MSI2: variants seen among roughly 807,000 people sequenced by gnomAD.
MSI2 encodes musashi RNA binding protein 2, also known as RNA-binding protein Musashi homolog 2.
Under a neutral mutation model 45.6 loss-of-function variants are expected in MSI2, and 17 were observed. That is an observed-to-expected ratio of 0.37 (90% CI 0.26 to 0.56). MSI2 has a LOEUF of 0.56. Ranked by LOEUF, MSI2 falls within the 20% of genes least tolerant of loss-of-function variation. The probability of loss-of-function intolerance (pLI) is 0.77; values close to 1 mark genes in which losing one functional copy is unlikely to be tolerated. For synonymous variants in MSI2, 156 were observed against 158.2 expected (o/e 0.99, Z 0.11); for missense variants, 293 against 444.2 (o/e 0.66, Z 3.06).
At chr17:57,544,629 C>A (rs1270493082) in intron 7 of MSI2, among the ~76,000 whole-genome samples, 1 of 152,148 alleles carries the variant, frequency 6.6e-6, no homozygotes, top group Non-Finnish European at 1.5e-5. Flanking sequence ...GCAACACATG[C>A]TTGCAGGTCA....
intron 6 of MSI2, among the ~76,000 whole-genome samples, chr17:57,498,957 C>T (rs1404084253): frequency 6.9e-6 from 1 of 145,064 alleles, no homozygotes; most frequent in Non-Finnish European, 1.5e-5. Context: ...GTGATGTCCC[C>T]CTTCCTGTGT....
chr17:57,552,282 T>A lies in MSI2; in HGVS notation c.454+22558T>A, dbSNP rs183506640. ...AATTGAAGTTCAGAGTGATGTTCACTGGTCTGTAATTCCTGACTCCCTTCC... is the reference window on the plus strand; with the variant it reads ...AATTGAAGTTCAGAGTGATGTTCACAGGTCTGTAATTCCTGACTCCCTTCC... On this transcript the variant is annotated intron_variant, in intron 7 of 13. Coordinates refer to ENST00000284073, the MANE Select transcript of MSI2 (RefSeq NM_138962.4). This position sits in a 1 kb window ranked among gnomAD's most constrained non-coding sequence, Gnocchi z 4.3. Among the ~76,000 whole-genome samples, 75 of 152,358 alleles carry A rather than the reference T, an allele frequency of 4.9e-4. No individual in the cohort carries two copies. The highest frequency in any genetic ancestry group is 1.8e-3 in the African/African-American group (75 of 41,578).
chr17:57,543,023 G>A (rs1309560707), intron 7 of MSI2, among the ~76,000 whole-genome samples: 2 of 152,162 alleles, frequency 1.3e-5, no homozygotes, highest in Non-Finnish European at 2.9e-5. Flanking sequence ...ACAAGAGGGT[G>A]GGCACTCACC....
the MSI2 span, among the ~76,000 whole-genome samples, chr17:57,690,023 A>T: frequency 9.8e-5 from 15 of 152,318 alleles, no homozygotes; most frequent in African/African-American, 3.6e-4. Flanking sequence ...ATTGGGTCAT[A>T]TGGCAAGCAT....
chr17:57,680,775 G>GGGGGGGGGGGGGGGGGGGGGGGGC lies in MSI2; in HGVS notation c.*1258_*1259insGGGGGGGGGGGGGGGGGGGGGGGC. 1 of 152,812 alleles carries GGGGGGGGGGGGGGGGGGGGGGGGC rather than the reference G, an allele frequency of 6.5e-6. No homozygotes were observed. The highest frequency in any genetic ancestry group is 1.4e-5 in the Non-Finnish European group (1 of 71,490). 9.5% of individuals were successfully genotyped at this position (152,812 alleles called of 1,614,324 possible). Reference sequence around the variant, plus strand: ...GCTTGGGTGGGGGTGGGGTGGGGGGGACATTCTTTTTCAGTCTTAATTTTT... The same window carrying GGGGGGGGGGGGGGGGGGGGGGGGC: ...GCTTGGGTGGGGGTGGGGTGGGGGGGGGGGGGGGGGGGGGGGGGGGGGGCACATTCTTTTTCAGTCTTAATTTTT... On this transcript the variant is annotated 3_prime_UTR_variant, in exon 14 of 14. Transcript: ENST00000284073.
intron 5 of MSI2, among the ~76,000 whole-genome samples, chr17:57,324,587 G>A (rs2143690736): frequency 6.6e-6 from 1 of 152,344 alleles, no homozygotes; most frequent in African/African-American, 2.4e-5. Context: ...CTCTTCTTCT[G>A]CCTGGCTCGG....
At chr17:57,547,885 T>G (rs2087207703) in intron 7 of MSI2, among the ~76,000 whole-genome samples, 1 of 152,120 alleles carries the variant, frequency 6.6e-6, no homozygotes, top group South Asian at 2.1e-4. Flanking sequence ...GATTTTATCA[T>G]CAGTGTGGTA....
At chr17:57,339,700 G>A (rs1914975264) in intron 5 of MSI2, among the ~76,000 whole-genome samples, 1 of 152,128 alleles carries the variant, frequency 6.6e-6, no homozygotes, top group African/African-American at 2.4e-5. Context: ...CGTTTGCAGT[G>A]GGTGAACTGT....
At chr17:57,482,957 G>A (rs564698001) in intron 6 of MSI2, among the ~76,000 whole-genome samples, 16 of 152,360 alleles carry the variant, frequency 1.1e-4, no homozygotes, top group African/African-American at 1.4e-4. Flanking sequence ...GTCCGGCTGT[G>A]TGTGCATGCT....
chr17:57,545,009 C>T (rs2087130706), intron 7 of MSI2, among the ~76,000 whole-genome samples: 1 of 152,172 alleles, frequency 6.6e-6, no homozygotes, highest in Non-Finnish European at 1.5e-5. Flanking sequence ...AATGAGATTG[C>T]TACCTGACAC....
At chr17:57,408,840 G>A (rs1350740722) in intron 6 of MSI2, among the ~76,000 whole-genome samples, 4 of 152,190 alleles carry the variant, frequency 2.6e-5, no homozygotes, top group Non-Finnish European at 1.5e-5. Context: ...CATTGAAATC[G>A]AACTCTGTTG....
intron 6 of MSI2, among the ~76,000 whole-genome samples, chr17:57,446,767 G>T (rs1232817746): frequency 1.3e-5 from 2 of 152,340 alleles, no homozygotes; most frequent in East Asian, 3.9e-4. Flanking sequence ...GAGTTTGATA[G>T]AATGGATGAA....
intron 11 of MSI2, among the ~76,000 whole-genome samples, chr17:57,653,263 G>A (rs759470388): frequency 2.8e-4 from 42 of 152,306 alleles, no homozygotes; most frequent in Middle Eastern, 3.4e-3. Context: ...GCACTGCCTC[G>A]AGCTACAAAG....
chr17:57,272,651 G>T (rs1199221060), intron 5 of MSI2, among the ~76,000 whole-genome samples: 3 of 152,212 alleles, frequency 2.0e-5, no homozygotes, highest in African/African-American at 7.2e-5. Flanking sequence ...CAACCTTGGG[G>T]GTAGAAGAAG....
intron 6 of MSI2, among the ~76,000 whole-genome samples, chr17:57,479,254 T>G (rs1226651094): frequency 6.6e-6 from 1 of 152,110 alleles, no homozygotes; most frequent in South Asian, 2.1e-4. Context: ...GGAATGGGGC[T>G]TTGAGTGTTG....
chr17:57,570,361 G>A (rs1005156108), intron 7 of MSI2, among the ~76,000 whole-genome samples: 1 of 152,148 alleles, frequency 6.6e-6, no homozygotes, highest in Admixed American at 6.5e-5. Context: ...AGTATTCATG[G>A]AAGGAAAGAA....
intron 9 of MSI2, among the ~76,000 whole-genome samples, chr17:57,619,348 G>A (rs1199068306): frequency 2.0e-5 from 3 of 152,204 alleles, no homozygotes; most frequent in East Asian, 1.9e-4. Flanking sequence ...TGCCCTCCGC[G>A]AGCTTGTGGT....
In MSI2 at chr17:57,669,825, C is replaced by T. The variant is rs1360816587; in HGVS notation, c.791-5147C>T. The stretch of plus-strand genomic sequence containing the variant: ...GGTGGGCCCTCCATTGCATTTGCCT[C>T]CCCGAGCCACACGCACAGGCTGGGC... On this transcript the variant is annotated intron_variant, in intron 11 of 13. Transcript: ENST00000284073. 2.6e-5 allele frequency among the ~76,000 whole-genome samples: 4 copies of T among 152,188 alleles called. No homozygotes were observed. The East Asian group carries it at 7.7e-4, about 29-fold the overall frequency.
At chr17:57,633,325 C>A in intron 10 of MSI2, 1 of 324,286 alleles carries the variant, frequency 3.1e-6, no homozygotes, top group Non-Finnish European at 4.5e-6. Flanking sequence ...CCGCCTGTTC[C>A]CAGCCCTCCC....
Sources: allele counts gnomAD v4.1 joint callset (sites outside exome capture counted in the v4.1 genomes callset), GRCh38; gene constraint gnomAD v4.1.1; non-coding constraint Gnocchi (gnomAD v3.1); transcripts MANE v1.5; gene names NCBI Gene and HGNC (gene_info 2026-07-23, HGNC 2026-07-21).